Variants in RAPGEF1 observed in about 807,000 individuals in gnomAD.
RAPGEF1 encodes the protein Rap guanine nucleotide exchange factor 1, also known as CRK SH3-binding GNRP.
A neutral mutation model predicts 143.3 loss-of-function variants in RAPGEF1; 33 were observed. The observed-to-expected ratio is 0.23, with a 90% CI of 0.17 to 0.31. RAPGEF1 has a LOEUF of 0.31. Ranked by LOEUF, RAPGEF1 falls within the 10% of genes least tolerant of loss-of-function variation. The pLI, the probability that RAPGEF1 is intolerant of heterozygous loss-of-function variation, is 1.00. For synonymous variants in RAPGEF1, 629 were observed against 676.5 expected (o/e 0.93, Z 1.09); for missense variants, 1,199 against 1,645.4 (o/e 0.73, Z 4.69).
intron 12 of RAPGEF1, among the ~76,000 whole-genome samples, chr9:131,608,958 C>T (rs533001970): frequency 1.3e-5 from 2 of 152,326 alleles, no homozygotes; most frequent in South Asian, 2.1e-4. Flanking sequence ...GGATCTGGCT[C>T]GTGCCCGGGT....
intron 1 of RAPGEF1, among the ~76,000 whole-genome samples, chr9:131,723,613 C>A (rs561762253): frequency 1.3e-5 from 2 of 152,322 alleles, no homozygotes; most frequent in South Asian, 4.1e-4. Flanking sequence ...GAATGTCCTT[C>A]CTTTTTAAGG....
At chr9:131,627,714 A>G (rs1474290697) in intron 9 of RAPGEF1, among the ~76,000 whole-genome samples, 199 bp downstream of exon 9, 2 of 152,098 alleles carry the variant, frequency 1.3e-5, no homozygotes, top group Non-Finnish European at 2.9e-5. Flanking sequence ...TTGTGATTTC[A>G]TTTACATGCT....
At chr9:131,602,901 CT>C (rs1257413996) in intron 14 of RAPGEF1, among the ~76,000 whole-genome samples, 1 of 152,188 alleles carries the variant, frequency 6.6e-6, no homozygotes, top group Non-Finnish European at 1.5e-5. Context: ...AGAAAGAGTG[CT>C]TCAAGGCAAG....
At chr9:131,694,487 G>C (rs1833996786) in intron 1 of RAPGEF1, among the ~76,000 whole-genome samples, 1 of 152,210 alleles carries the variant, frequency 6.6e-6, no homozygotes, top group Non-Finnish European at 1.5e-5. Flanking sequence ...TCAAAGGTTT[G>C]TTAAAATGAA....
chr9:131,627,883 C>T (rs146425199), intron 9 of RAPGEF1, 30 bp downstream of exon 9: 32 of 1,562,760 alleles, frequency 2.0e-5, no homozygotes, highest in Middle Eastern at 1.9e-4. Flanking sequence ...CACCGAGACA[C>T]GATGGAACAG....
chr9:131,597,507 C>T (rs1192527639), intron 16 of RAPGEF1, among the ~76,000 whole-genome samples: 3 of 152,174 alleles, frequency 2.0e-5, no homozygotes, highest in African/African-American at 4.8e-5. Context: ...GTCATCAAAT[C>T]GAAGCCCCAA....
intron 1 of RAPGEF1, among the ~76,000 whole-genome samples, chr9:131,722,194 G>A (rs981348002): frequency 1.2e-4 from 18 of 152,180 alleles, no homozygotes; most frequent in East Asian, 3.9e-4. Context: ...AGACCCTATC[G>A]TGGCCATCTC....
intron 1 of RAPGEF1, among the ~76,000 whole-genome samples, chr9:131,731,271 T>C (rs1310870371): frequency 6.6e-6 from 1 of 152,198 alleles, no homozygotes; most frequent in Non-Finnish European, 1.5e-5. Flanking sequence ...AAGTGCCTAA[T>C]GAACATCAGC....
rs367601267 is a variant in RAPGEF1 at position 131,614,046 on chromosome 9, A to C, written c.2061+5005T>G. ...GAGGGAGAGGCCTCAAGGGGGCTTC[A>C]CAACATGGGGACAGCGGCACAGTCC... On this transcript the variant is annotated intron_variant, in intron 12 of 26. Coordinates refer to ENST00000683357, the MANE Select transcript of RAPGEF1 (RefSeq NM_001377935.1). Among the ~76,000 whole-genome samples, 125 of 152,312 alleles carry C rather than the reference A, an allele frequency of 8.2e-4. 2 individuals carry two copies. The South Asian group carries it at 0.025, about 31-fold the overall frequency.
At chr9:131,739,552 G>A (rs1837621398) in intron 1 of RAPGEF1, among the ~76,000 whole-genome samples, 1 of 150,386 alleles carries the variant, frequency 6.6e-6, no homozygotes, top group African/African-American at 2.4e-5. Context: ...GCCCGGCCCG[G>A]CCCCTGGCGC....
At chr9:131,598,665 G>A in intron 15 of RAPGEF1, 3 of 427,208 alleles carry the variant, frequency 7.0e-6, no homozygotes, top group Non-Finnish European at 1.4e-5. Context: ...CAGAATGGGA[G>A]AGAAAGCTGC....
rs772264848 is a variant in RAPGEF1 at position 131,596,287 on chromosome 9, T to C, written c.2689+11A>G. 12 of 1,613,746 alleles carry C rather than the reference T, an allele frequency of 7.4e-6. No individual in the cohort carries two copies. The Admixed American group carries it at 2.0e-4, about 27-fold the overall frequency. On this transcript the variant is annotated intron_variant, in intron 17 of 26. Coordinates refer to ENST00000683357, the MANE Select transcript of RAPGEF1 (RefSeq NM_001377935.1). ...ACCAGCCCCAATCTAGTGAGCTCACTGACACCCTACCTTTCCTGTCAGTCT... is the reference window on the plus strand; with the variant it reads ...ACCAGCCCCAATCTAGTGAGCTCACCGACACCCTACCTTTCCTGTCAGTCT...
At chr9:131,642,633 G>A (rs1005376522) in intron 4 of RAPGEF1, among the ~76,000 whole-genome samples, 2 of 152,182 alleles carry the variant, frequency 1.3e-5, no homozygotes, top group Non-Finnish European at 2.9e-5. Flanking sequence ...CCCCAAAAGC[G>A]GCGCTGGTCC....
intron 17 of RAPGEF1, among the ~76,000 whole-genome samples, chr9:131,593,379 C>T (rs1016102429): frequency 6.6e-6 from 1 of 152,250 alleles, no homozygotes; most frequent in Admixed American, 6.5e-5. Context: ...CCTGAGCCAA[C>T]GGGTGGCCAG....
Position 131,621,772 on chromosome 9 carries a change from G to C in RAPGEF1, c.1905+24C>G. ...AGACCTGCTAGGATCGGAAGTTCTA[G>C]TCACAAGGGAAGGTGTCACTCACCA... On this transcript the variant is annotated intron_variant, in intron 11 of 26. Coordinates refer to ENST00000683357, the MANE Select transcript of RAPGEF1 (RefSeq NM_001377935.1). The surrounding 1 kb of genome is among the most constrained non-coding windows in gnomAD (Gnocchi z 4.5). 6.3e-7 allele frequency: 1 copy of C among 1,583,394 alleles called. No individual in the cohort carries two copies. The highest frequency in any genetic ancestry group is 1.1e-5 in the South Asian group (1 of 87,514).
chr9:131,620,146 G>C (rs1475979877), intron 11 of RAPGEF1, among the ~76,000 whole-genome samples: 1 of 152,202 alleles, frequency 6.6e-6, no homozygotes. Flanking sequence ...AACAGGTTCT[G>C]ATTCCACGTG....
intron 12 of RAPGEF1, among the ~76,000 whole-genome samples, chr9:131,615,208 G>A (rs1197652033): frequency 1.3e-5 from 2 of 152,230 alleles, no homozygotes; most frequent in Non-Finnish European, 2.9e-5. Flanking sequence ...AAGTAGCTGG[G>A]ACTACAGGCG....
At chr9:131,638,501 G>A in intron 5 of RAPGEF1, 134 bp downstream of exon 5, 1 of 996,714 alleles carries the variant, frequency 1.0e-6, no homozygotes, top group South Asian at 1.6e-5. Flanking sequence ...TTATGGGATA[G>A]AGCGCACCAA....
chr9:131,606,557 G>C (rs1957145449), intron 12 of RAPGEF1, among the ~76,000 whole-genome samples: 1 of 152,172 alleles, frequency 6.6e-6, no homozygotes, highest in Non-Finnish European at 1.5e-5. Context: ...GCTGTGGCTG[G>C]GGATTTTCAG....
Sources: gnomAD v4.1 joint callset for allele counts (sites outside exome capture counted in the v4.1 genomes callset) on GRCh38, gnomAD v4.1.1 for gene constraint, Gnocchi (gnomAD v3.1) non-coding constraint, MANE v1.5 for transcripts, NCBI Gene and HGNC (gene_info 2026-07-23, HGNC 2026-07-21) for gene names.